LAMA2: variants seen among roughly 807,000 people sequenced by gnomAD.
The protein encoded by LAMA2 is laminin subunit alpha-2.
In LAMA2, 269 loss-of-function variants were observed where a neutral mutation model predicts 364.8. That is an observed-to-expected ratio of 0.74 (90% CI 0.67 to 0.82). LAMA2 has a LOEUF of 0.82. LAMA2 is among the 40% of genes least tolerant of loss of function. LAMA2 has a pLI of 0.00. For missense variants in LAMA2, 3,807 were observed against 3,873.2 expected (o/e 0.98, Z 0.45); for synonymous variants, 1,379 against 1,370.6 (o/e 1.01, Z -0.14).
chr6:129,486,724 C>A lies in LAMA2; in HGVS notation c.7898+102C>A, dbSNP rs6938825. On this transcript the variant is annotated intron_variant, in intron 56 of 64. Coordinates refer to ENST00000421865, the MANE Select transcript of LAMA2 (RefSeq NM_000426.4). Reference sequence around the variant, plus strand: ...TGCCTGAACCTCTGTGTGTGTGGACCTACTATGCATTGCAAAAGGATACCG... The same window carrying A: ...TGCCTGAACCTCTGTGTGTGTGGACATACTATGCATTGCAAAAGGATACCG... 0.69 allele frequency: 727,836 copies of A among 1,055,884 alleles called. 254,259 individuals carry two copies. The highest frequency in any genetic ancestry group is 0.72 in the Non-Finnish European group (490,566 of 678,916). The allele number at this position is 1,055,884 out of a possible 1,614,324, so 65.4% of individuals were successfully genotyped here. A position where few individuals can be genotyped will look rare whatever the true frequency, so the allele number is the denominator to read the frequency against.
At chr6:129,167,588 T>C (rs1779842029) in intron 9 of LAMA2, among the ~76,000 whole-genome samples, 1 of 152,040 alleles carries the variant, frequency 6.6e-6, no homozygotes, top group Non-Finnish European at 1.5e-5. Context: ...TGGTTCCAAG[T>C]CTTTGCTATT....
At chr6:129,061,193 A>C (rs556756705) in intron 3 of LAMA2, among the ~76,000 whole-genome samples, 1 of 152,284 alleles carries the variant, frequency 6.6e-6, no homozygotes, top group Middle Eastern at 3.4e-3. Flanking sequence ...ATTGGTCACA[A>C]GAGTTCTCCC....
intron 29 of LAMA2, among the ~76,000 whole-genome samples, chr6:129,331,438 T>C (rs1775645348): frequency 6.6e-6 from 1 of 152,212 alleles, no homozygotes; most frequent in South Asian, 2.1e-4. Flanking sequence ...TCATTGAGAA[T>C]TTAGAAGCTG....
intron 41 of LAMA2, among the ~76,000 whole-genome samples, chr6:129,433,525 C>T (rs1409661166): frequency 6.6e-6 from 1 of 152,088 alleles, no homozygotes; most frequent in Non-Finnish European, 1.5e-5. Flanking sequence ...TGAATTTCAC[C>T]CTTGTGAATG....
At chr6:129,440,016 C>A (rs1451406879) in intron 42 of LAMA2, among the ~76,000 whole-genome samples, 1 of 151,950 alleles carries the variant, frequency 6.6e-6, no homozygotes, top group Non-Finnish European at 1.5e-5. Context: ...AGCACTAACA[C>A]TTAACATCAG....
chr6:128,929,608 G>A (rs1779324283), intron 1 of LAMA2: 1 of 1,353,706 alleles, frequency 7.4e-7, no homozygotes, highest in Non-Finnish European at 1.1e-6. Flanking sequence ...CCGCAAAAGC[G>A]CTTCCACGAT....
At chr6:129,390,599 G>GTT (rs1420522264) in intron 35 of LAMA2, among the ~76,000 whole-genome samples, 2 of 151,802 alleles carry the variant, frequency 1.3e-5, no homozygotes, top group Non-Finnish European at 2.9e-5. Context: ...TGACAAAAGA[G>GTT]TTTGAGAAAA....
rs371223682 is a variant in LAMA2 at position 129,287,611 on chromosome 6, A to T, written c.2538-236A>T. Among the ~76,000 whole-genome samples the T allele has an allele frequency of 2.0e-4, 31 of 152,282 alleles. No homozygotes were observed. In the South Asian group the frequency reaches 5.4e-3, roughly 26 times the overall value. On this transcript the variant is annotated intron_variant, in intron 18 of 64. Transcript: ENST00000421865. ...TTTGGTCTCATTTTCAGTGCCAGTG[A>T]CAAGATTATATATTTTTTTCGGGCT...
Position 129,482,829 on chromosome 6 carries a change from G to T in LAMA2, c.7749+1390G>T, listed in dbSNP as rs9885712. ...TAATCCCAGCACTTTGGGAGGCCAA[G>T]GTGGGTAGATCACAAGGTCAGGATT... On this transcript the variant is annotated intron_variant, in intron 55 of 64. Transcript: ENST00000421865. Among the ~76,000 whole-genome samples the T allele has an allele frequency of 3.5e-3, 526 of 152,216 alleles. 5 individuals carry two copies. The highest frequency in any genetic ancestry group is 0.012 in the African/African-American group (495 of 41,540).
chr6:129,100,427 AG>A (rs1159906744), intron 4 of LAMA2, among the ~76,000 whole-genome samples: 1 of 152,208 alleles, frequency 6.6e-6, no homozygotes, highest in African/African-American at 2.4e-5. Flanking sequence ...TAGAATGATA[AG>A]ACTGAAGAAT....
intron 1 of LAMA2, among the ~76,000 whole-genome samples, chr6:128,996,124 G>A (rs534557378): frequency 3.3e-4 from 50 of 152,290 alleles, no homozygotes; most frequent in African/African-American, 1.2e-3. Context: ...TAAACAAGGT[G>A]ACACAACAGA....
At chr6:129,066,035 C>A (rs2114807484) in intron 3 of LAMA2, among the ~76,000 whole-genome samples, 2 of 28,006 alleles carry the variant, frequency 7.1e-5, no homozygotes, top group Admixed American at 6.3e-4. Flanking sequence ...TGCCCAGTCT[C>A]AGGTTTTTTT....
intron 63 of LAMA2, among the ~76,000 whole-genome samples, chr6:129,512,722 C>T (rs191053145): frequency 2.4e-4 from 36 of 152,242 alleles, no homozygotes; most frequent in African/African-American, 7.5e-4. Context: ...GCAAGCCAAT[C>T]GTGTTGACTA....
intron 4 of LAMA2, among the ~76,000 whole-genome samples, chr6:129,106,847 C>T (rs1157254958): frequency 1.4e-5 from 2 of 139,468 alleles, no homozygotes; most frequent in Non-Finnish European, 3.0e-5. Context: ...AGTTACTAGA[C>T]TCCCTTACTC....
At chr6:129,374,704 A>G (rs1266671060) in intron 34 of LAMA2, among the ~76,000 whole-genome samples, 1 of 151,692 alleles carries the variant, frequency 6.6e-6, no homozygotes, top group Non-Finnish European at 1.5e-5. Context: ...CAGCCTCCCA[A>G]GTAGCTGGGA....
At chr6:128,957,453 T>C (rs978636306) in intron 1 of LAMA2, among the ~76,000 whole-genome samples, 10 of 152,160 alleles carry the variant, frequency 6.6e-5, no homozygotes, top group African/African-American at 2.2e-4. Context: ...TTCTTTTTTC[T>C]TTAATTTTTC....
chr6:129,305,517 A>G (rs1235426899), intron 22 of LAMA2, among the ~76,000 whole-genome samples: 1 of 151,870 alleles, frequency 6.6e-6, no homozygotes, highest in Non-Finnish European at 1.5e-5. Context: ...TAGAAATGAG[A>G]TCTCACTATA....
chr6:129,516,407 CAAATATATTTTACCTAT>C lies in LAMA2; in HGVS notation c.*62_*78del. ...AAACAAGTATATCAAGTAAAACAAACAAATATATTTTACCTATATATGTTAATTAAACTAATTTGTGC... is the reference window on the plus strand; with the variant it reads ...AAACAAGTATATCAAGTAAAACAAACATATGTTAATTAAACTAATTTGTGC... On this transcript the variant is annotated 3_prime_UTR_variant, in exon 65 of 65. Transcript: ENST00000421865. 1 of 1,508,100 alleles carries C rather than the reference CAAATATATTTTACCTAT, an allele frequency of 6.6e-7. No homozygotes were observed. The highest frequency in any genetic ancestry group is 2.4e-5 in the East Asian group (1 of 42,078). The allele number at this position is 1,508,100 out of a possible 1,614,324, so 93.4% of individuals were successfully genotyped here. A position where few individuals can be genotyped will look rare whatever the true frequency, so the allele number is the denominator to read the frequency against.
At chr6:129,374,149 A>C (rs1011201329) in intron 34 of LAMA2, among the ~76,000 whole-genome samples, 1 of 152,346 alleles carries the variant, frequency 6.6e-6, no homozygotes, top group African/African-American at 2.4e-5. Context: ...AACATGACCA[A>C]TTCTCTCTTT....
Sources: allele counts gnomAD v4.1 joint callset (sites outside exome capture counted in the v4.1 genomes callset), GRCh38; gene constraint gnomAD v4.1.1; transcripts MANE v1.5; gene names NCBI Gene and HGNC (gene_info 2026-07-23, HGNC 2026-07-21).